The following ZNF506 variants were observed in gnomAD, a reference collection of about 807,000 sequenced individuals.
The protein encoded by ZNF506 is zinc finger protein 506.
A neutral mutation model predicts 11.6 loss-of-function variants in ZNF506; 10 were observed. That is an observed-to-expected ratio of 0.86 (90% CI 0.53 to 1.46). The LOEUF is 1.46. Among genes scored for constraint, ZNF506 ranks in the 40% most tolerant of loss-of-function variants. The pLI, the probability that ZNF506 is intolerant of heterozygous loss-of-function variation, is 0.00. For synonymous variants in ZNF506, 156 were observed against 173.3 expected (o/e 0.90, Z 0.78); for missense variants, 425 against 521.2 (o/e 0.82, Z 1.80).
chr19:19,799,874 A>C (rs1329615830), intron 3 of ZNF506, among the ~76,000 whole-genome samples: 4 of 43,322 alleles, frequency 9.2e-5, no homozygotes, highest in Admixed American at 9.0e-4. Flanking sequence ...ACAGTCTTCA[A>C]AAAAAAAAAA....
intron 1 of ZNF506, among the ~76,000 whole-genome samples, chr19:19,808,269 A>G (rs1271880729): frequency 2.0e-5 from 3 of 150,268 alleles, no homozygotes; most frequent in East Asian, 2.0e-4. Context: ...GACTACAGGC[A>G]CCCGCCACCA....
At position 19,794,780 on chromosome 19, in the gene ZNF506, G is replaced by A. The variant is rs1473141668; in HGVS notation, c.1107C>T (p.Tyr369=). The stretch of plus-strand genomic sequence containing the variant: ...AGGCTTTGCCACATTCTTCACACTT[G>A]TAGGGTTTCTCTCCAGTATGAGCTC... ...HKRAHTGEKP[Y]KCEECGKAFT... The change falls in exon 4 of 4, where the codon TAC becomes TAT. Residue 369 remains tyrosine (Y), a synonymous_variant. Coordinates refer to ENST00000540806, the MANE Select transcript of ZNF506 (RefSeq NM_001099269.3). 1.2e-6 allele frequency: 2 copies of A among 1,613,972 alleles called. No individual in the cohort carries two copies. The highest frequency in any genetic ancestry group is 1.7e-6 in the Non-Finnish European group (2 of 1,179,964).
chr19:19,815,404 G>A (rs746637114), intron 1 of ZNF506, among the ~76,000 whole-genome samples: 7 of 152,166 alleles, frequency 4.6e-5, no homozygotes, highest in African/African-American at 1.4e-4. Context: ...TGGCAGCTGT[G>A]GGAAAAGGGG....
At chr19:19,800,396 A>ATATATATATATT (rs2062781294) in intron 3 of ZNF506, among the ~76,000 whole-genome samples, 1 of 84,416 alleles carries the variant, frequency 1.2e-5, no homozygotes, top group Non-Finnish European at 2.3e-5. Context: ...AACAGAATAT[A>ATATATATATATT]TATATATATA....
At chr19:19,795,944 C>A (rs910879815) in intron 3 of ZNF506, 13 of 379,016 alleles carry the variant, frequency 3.4e-5, no homozygotes, top group Non-Finnish European at 6.0e-5. Flanking sequence ...GTTACTTATA[C>A]CCAACACAGC....
At chr19:19,807,708 C>T (rs1020614566) in intron 1 of ZNF506, among the ~76,000 whole-genome samples, 2 of 152,002 alleles carry the variant, frequency 1.3e-5, no homozygotes, top group African/African-American at 2.4e-5. Flanking sequence ...GGGGTTTCTC[C>T]ATGTTGGTCA....
rs761855971 is a variant in ZNF506 at position 19,795,182 on chromosome 19, G to A, written c.705C>T (p.Gly235=). The change falls in exon 4 of 4, where the codon GGC becomes GGT. Residue 235 remains glycine, a synonymous_variant. Coordinates refer to ENST00000540806, the MANE Select transcript of ZNF506 (RefSeq NM_001099269.3). ...GGTTACAGGACTGCTTATAGGCTTTGCCACATTCTTCACATTTGTAGGGTT... is the reference window on the plus strand; with the variant it reads ...GGTTACAGGACTGCTTATAGGCTTTACCACATTCTTCACATTTGTAGGGTT... ...GEKPYKCEEC[G]KAYKQSCNLT... 2.5e-6 allele frequency: 4 copies of A among 1,613,610 alleles called. No individual in the cohort carries two copies. The highest frequency in any genetic ancestry group is 1.6e-4 in the Middle Eastern group (1 of 6,082).
rs2062966595 is a variant in ZNF506, at chr19:19,821,480, C to T, written c.3+121G>A. On this transcript the variant is annotated intron_variant, in intron 1 of 3. Coordinates refer to ENST00000540806, the MANE Select transcript of ZNF506 (RefSeq NM_001099269.3). ...AGCTGGGCAATGAGAACTTGGAGCG[C>T]AGATTGTGGAGCTGACTGCCGGGAG... 4 of 1,319,108 alleles carry T rather than the reference C, an allele frequency of 3.0e-6. No individual in the cohort carries two copies. The Admixed American group carries it at 5.1e-5, about 17-fold the overall frequency. 81.7% of individuals were successfully genotyped at this position (1,319,108 alleles called of 1,614,324 possible). A position where few individuals can be genotyped will look rare whatever the true frequency, so the allele number is the denominator to read the frequency against.
rs757160026 is a variant in ZNF506 at position 19,808,108 on chromosome 19, CTTTTTTTTTTTTTT to C, written c.4-1054_4-1041del. 7.0e-4 allele frequency among the ~76,000 whole-genome samples: 40 copies of C among 56,770 alleles called. 1 individual carries two copies. The highest frequency in any genetic ancestry group is 2.9e-3 in the Admixed American group (11 of 3,746). 37.2% of individuals were successfully genotyped at this position (56,770 alleles called of 152,430 possible). ...ACTTAACCAAGTGAATCATTAACCA[CTTTTTTTTTTTTTT>C]TTTTTTTTTTTTTTTTTTTGAGACG... is the stretch of plus-strand genomic sequence containing the variant. On this transcript the variant is annotated intron_variant, in intron 1 of 3. Transcript: ENST00000540806.
chr19:19,802,174 C>A (rs2062799903), intron 3 of ZNF506, among the ~76,000 whole-genome samples: 1 of 145,632 alleles, frequency 6.9e-6, no homozygotes, highest in Non-Finnish European at 1.5e-5. Context: ...CACTGCACTC[C>A]AGTCTGGGTG....
intron 3 of ZNF506, among the ~76,000 whole-genome samples, chr19:19,803,940 A>AAC (rs767662976): frequency 6.6e-6 from 1 of 152,186 alleles, no homozygotes; most frequent in Non-Finnish European, 1.5e-5. Flanking sequence ...AAAAAAACCA[A>AAC]ACACAGTACT....
chr19:19,795,095 T>G lies in ZNF506; in HGVS notation c.792A>C (p.Lys264Asn), dbSNP rs2062728397. Reference protein sequence around the residue: ...EKPYRCRECGKAFNHPATLFS... With the variant: ...EKPYRCRECGNAFNHPATLFS... ...AAAGGGTTGCAGGGTGGTTAAAAGC[T>G]TTGCCACATTCTCTACATCTGTAGG... The change falls in exon 4 of 4, where the codon AAA becomes AAC. Residue 264 changes from lysine to asparagine, a missense_variant. Coordinates refer to ENST00000540806, the MANE Select transcript of ZNF506 (RefSeq NM_001099269.3). The G allele has an allele frequency of 6.2e-7, 1 of 1,613,730 alleles. No individual in the cohort carries two copies. Among genetic ancestry groups the G allele is most frequent in the Non-Finnish European group, 8.5e-7 (1 of 1,179,900 alleles).
chr19:19,805,433 T>G (rs1429359434), intron 3 of ZNF506, among the ~76,000 whole-genome samples: 1 of 145,328 alleles, frequency 6.9e-6, no homozygotes, highest in Admixed American at 6.7e-5. Context: ...ATTGCAGTGT[T>G]TTTTTTTCAC....
Position 19,794,795 on chromosome 19 carries a change from AG to A in ZNF506, c.1091del (p.Thr364MetfsTer21). 6.2e-7 allele frequency: 1 copy of A among 1,614,080 alleles called. No individual in the cohort carries two copies. The highest frequency in any genetic ancestry group is 8.5e-7 in the Non-Finnish European group (1 of 1,179,998). ...CTTCACACTTGTAGGGTTTCTCTCCAGTATGAGCTCTCTTATGTTTAGAGAG... is the reference window on the plus strand; with the variant it reads ...CTTCACACTTGTAGGGTTTCTCTCCATATGAGCTCTCTTATGTTTAGAGAG... ...SSLSKHKRAH[T>X]GEKPYKCEEC... On this transcript the variant is annotated frameshift_variant, in exon 4 of 4. Coordinates refer to ENST00000540806, the MANE Select transcript of ZNF506 (RefSeq NM_001099269.3). LOFTEE classifies it low-confidence loss of function (END_TRUNC).
chr19:19,821,501 G>T, intron 1 of ZNF506, 100 bp downstream of exon 1: 1 of 1,489,834 alleles, frequency 6.7e-7, no homozygotes, highest in South Asian at 1.1e-5. Flanking sequence ...GCTGACTGCC[G>T]GGAGGCCTGA....
intron 3 of ZNF506, among the ~76,000 whole-genome samples, chr19:19,802,279 A>G (rs2062801432): frequency 6.6e-6 from 1 of 152,034 alleles, no homozygotes; most frequent in Admixed American, 6.6e-5. Context: ...AAATGCAGGT[A>G]TTTTGAATCA....
chr19:19,795,291 T>TTC lies in ZNF506; in HGVS notation c.594_595dup (p.Lys199ArgfsTer52). The stretch of plus-strand genomic sequence containing the variant: ...ACCACATTCTTCACATTTATAGCGT[T>TTC]TCTCTCCAGCATCAATTTTCTTATA... On this transcript the variant is annotated frameshift_variant, in exon 4 of 4. Coordinates refer to ENST00000540806, the MANE Select transcript of ZNF506 (RefSeq NM_001099269.3). LOFTEE classifies it low-confidence loss of function (END_TRUNC). 6.2e-7 allele frequency: 1 copy of TTC among 1,614,036 alleles called. No individual in the cohort carries two copies. Among genetic ancestry groups the TTC allele is most frequent in the Non-Finnish European group, 8.5e-7 (1 of 1,179,990 alleles).
intron 3 of ZNF506, among the ~76,000 whole-genome samples, chr19:19,805,432 T>G (rs906704810): frequency 2.1e-5 from 3 of 143,978 alleles, no homozygotes; most frequent in African/African-American, 5.7e-5. Flanking sequence ...AATTGCAGTG[T>G]TTTTTTTTCA....
intron 3 of ZNF506, among the ~76,000 whole-genome samples, chr19:19,800,083 C>A (rs1219980437): frequency 6.6e-6 from 1 of 152,054 alleles, no homozygotes; most frequent in Non-Finnish European, 1.5e-5. Context: ...ATTTCTGTCA[C>A]CAAATCAGTA....
Sources: allele counts gnomAD v4.1 joint callset (sites outside exome capture counted in the v4.1 genomes callset), GRCh38; gene constraint gnomAD v4.1.1; transcripts MANE v1.5; gene names NCBI Gene and HGNC (gene_info 2026-07-23, HGNC 2026-07-21).